CSMD1: variants seen among roughly 807,000 people sequenced by gnomAD.
CSMD1 encodes CUB and sushi domain-containing protein 1.
A neutral mutation model predicts 417.5 loss-of-function variants in CSMD1; 213 were observed. The observed-to-expected ratio is 0.51, with a 90% CI of 0.46 to 0.57. CSMD1 has a LOEUF of 0.57. CSMD1 is among the 20% of genes least tolerant of loss of function. The pLI is 0.00. For synonymous variants in CSMD1, 2,862 were observed against 1,736.8 expected, an observed-to-expected ratio of 1.65 and a Z score of -16.11; for missense variants, 6,923 against 4,529.7, an observed-to-expected ratio of 1.53 and a Z score of -15.17.
At chr8:3,441,832 C>T (rs1815001453) in intron 12 of CSMD1, among the ~76,000 whole-genome samples, 1 of 94,418 alleles carries the variant, frequency 1.1e-5, no homozygotes, top group African/African-American at 4.8e-5. Flanking sequence ...AGACTATGCT[C>T]CTTATACTTA....
chr8:3,406,016 AG>A lies in CSMD1; in HGVS notation c.2266+10del. On this transcript the variant is annotated intron_variant, in intron 15 of 69. Transcript: ENST00000635120. ...TCAAAGGAGAAGAGCGGGGGGTGGCAGGGACTGCACCTTCACAGCGGGGCAC... is the reference window on the plus strand; with the variant it reads ...TCAAAGGAGAAGAGCGGGGGGTGGCAGGACTGCACCTTCACAGCGGGGCAC... 6.2e-7 allele frequency: 1 copy of A among 1,611,140 alleles called. No homozygotes were observed. The highest frequency in any genetic ancestry group is 8.5e-7 in the Non-Finnish European group (1 of 1,178,492).
At chr8:4,220,121 T>C (rs1415302853) in intron 3 of CSMD1, among the ~76,000 whole-genome samples, 1 of 152,156 alleles carries the variant, frequency 6.6e-6, no homozygotes, top group Non-Finnish European at 1.5e-5. Context: ...AGCTGATTTT[T>C]TGTATTTTCA....
At chr8:4,840,624 C>CTA (rs1800787190) in intron 1 of CSMD1, among the ~76,000 whole-genome samples, 1 of 152,108 alleles carries the variant, frequency 6.6e-6, no homozygotes, top group African/African-American at 2.4e-5. Context: ...AATTACATTA[C>CTA]CGAATGAGCA....
intron 3 of CSMD1, among the ~76,000 whole-genome samples, chr8:4,171,992 C>T (rs77433539): frequency 0.034 from 5,115 of 152,150 alleles, 125 homozygotes; most frequent in South Asian, 0.082. Context: ...TTGAATATCA[C>T]GGTTTAATAC....
intron 3 of CSMD1, among the ~76,000 whole-genome samples, chr8:4,299,336 A>G (rs1417589651): frequency 1.3e-5 from 2 of 152,258 alleles, no homozygotes; most frequent in Non-Finnish European, 2.9e-5. Flanking sequence ...ATTACTTCCA[A>G]GAGGGGGTTT....
chr8:3,324,039 C>G (rs1806333866), intron 23 of CSMD1, among the ~76,000 whole-genome samples: 1 of 149,840 alleles, frequency 6.7e-6, no homozygotes, highest in African/African-American at 2.5e-5. Flanking sequence ...TTCCTTCACC[C>G]CACCTTTCAT....
At chr8:3,067,975 G>A (rs1021158699) in intron 49 of CSMD1, among the ~76,000 whole-genome samples, 1 of 152,094 alleles carries the variant, frequency 6.6e-6, no homozygotes, top group Non-Finnish European at 1.5e-5. Flanking sequence ...GCTCTGAAGT[G>A]TGTGTTCCTT....
intron 1 of CSMD1, among the ~76,000 whole-genome samples, chr8:4,954,757 A>G (rs1169748502): frequency 6.6e-6 from 1 of 152,156 alleles, no homozygotes; most frequent in Non-Finnish European, 1.5e-5. Context: ...CAATATTAAT[A>G]ATAACTGCTA....
chr8:4,463,053 A>T (rs117440494), intron 2 of CSMD1, among the ~76,000 whole-genome samples: 2,360 of 152,334 alleles, frequency 0.015, 31 homozygotes, highest in Non-Finnish European at 0.024. Flanking sequence ...AAATATAAAT[A>T]ACTTGCATCT....
intron 26 of CSMD1, among the ~76,000 whole-genome samples, chr8:3,281,274 C>T (rs1433433811): frequency 2.0e-5 from 3 of 152,038 alleles, no homozygotes; most frequent in Non-Finnish European, 4.4e-5. Context: ...GAAACCCTGT[C>T]TAGGCTAAAA....
chr8:3,508,636 C>T (rs921975734), intron 10 of CSMD1, among the ~76,000 whole-genome samples: 6 of 152,128 alleles, frequency 3.9e-5, no homozygotes, highest in Non-Finnish European at 1.5e-5. Flanking sequence ...CTGATTTATT[C>T]AATCACTCCT....
chr8:4,834,822 T>A (rs1316953687), intron 1 of CSMD1, among the ~76,000 whole-genome samples: 1 of 150,066 alleles, frequency 6.7e-6, no homozygotes, highest in African/African-American at 2.4e-5. Flanking sequence ...CCGGGCGTGG[T>A]GGTGGGCGCC....
In CSMD1 at chr8:4,542,113, T is replaced by C. The variant is rs544834881; in HGVS notation, c.302+95229A>G. Among the ~76,000 whole-genome samples, 4 of 152,192 alleles carry C rather than the reference T, an allele frequency of 2.6e-5. No homozygotes were observed. The East Asian group carries it at 5.8e-4, about 22-fold the overall frequency. On this transcript the variant is annotated intron_variant, in intron 2 of 69. Transcript: ENST00000635120. ...GAAATATATGCTCATTTCTGGACAA[T>C]GAACTCAACAGTTTGGGCAAGTAAA...
intron 12 of CSMD1, among the ~76,000 whole-genome samples, chr8:3,447,913 C>G (rs1356155064): frequency 6.6e-6 from 1 of 152,092 alleles, no homozygotes; most frequent in Admixed American, 6.5e-5. Context: ...CCCAGAGGAG[C>G]TGGAAGCTAT....
intron 27 of CSMD1, among the ~76,000 whole-genome samples, chr8:3,225,166 C>G (rs544675167): frequency 6.6e-6 from 1 of 151,940 alleles, no homozygotes; most frequent in Non-Finnish European, 1.5e-5. Context: ...TAAGGAGTGC[C>G]TCTTTAAATA....
intron 51 of CSMD1, among the ~76,000 whole-genome samples, chr8:3,022,864 C>G (rs922166535): frequency 6.6e-6 from 1 of 152,126 alleles, no homozygotes; most frequent in East Asian, 1.9e-4. Context: ...TTTTATTAGG[C>G]CTAGAGAGAT....
intron 5 of CSMD1, among the ~76,000 whole-genome samples, chr8:3,992,151 TTATA>T (rs1030560006): frequency 4.2e-4 from 64 of 151,194 alleles, no homozygotes; most frequent in Admixed American, 2.0e-4. Context: ...TGTACATATA[TTATA>T]TATATTTTTA....
At chr8:3,741,294 A>G (rs1796792260) in intron 6 of CSMD1, among the ~76,000 whole-genome samples, 3 of 148,528 alleles carry the variant, frequency 2.0e-5, no homozygotes, top group Admixed American at 2.0e-4. Context: ...AGAGTTTAGT[A>G]GGTCAGAGAC....
chr8:4,779,073 C>G (rs576316747), intron 1 of CSMD1, among the ~76,000 whole-genome samples: 2 of 152,250 alleles, frequency 1.3e-5, no homozygotes, highest in South Asian at 4.1e-4. Flanking sequence ...CATACAGAAT[C>G]CTTACGAGAG....
Sources: gnomAD v4.1 joint callset for allele counts (sites outside exome capture counted in the v4.1 genomes callset) on GRCh38, gnomAD v4.1.1 for gene constraint, MANE v1.5 for transcripts, NCBI Gene and HGNC (gene_info 2026-07-23, HGNC 2026-07-21) for gene names.